Variants in SIDT1 observed in about 807,000 individuals in gnomAD.
The protein encoded by SIDT1 is SID1 transmembrane family, member 1.
Under a neutral mutation model 107.5 loss-of-function variants are expected in SIDT1, and 101 were observed. The observed-to-expected ratio is 0.94, with a 90% CI of 0.80 to 1.11. The LOEUF (loss-of-function observed/expected upper bound fraction) is 1.11. SIDT1 is among the 50% of genes least tolerant of loss of function. The pLI, the probability that SIDT1 is intolerant of heterozygous loss-of-function variation, is 0.00. For missense variants in SIDT1, 1,076 were observed against 1,058.2 expected (o/e 1.02, Z -0.23); for synonymous variants, 395 against 398.2 (o/e 0.99, Z 0.10).
intron 1 of SIDT1, among the ~76,000 whole-genome samples, chr3:113,555,036 C>A (rs144980796): frequency 6.6e-6 from 1 of 152,296 alleles, no homozygotes; most frequent in East Asian, 1.9e-4. Context: ...TCCCAACTGC[C>A]CCAACATGAC....
downstream of SIDT1, among the ~76,000 whole-genome samples, chr3:113,633,768 T>TG (rs1326471439): frequency 6.6e-6 from 1 of 152,176 alleles, no homozygotes. Flanking sequence ...TAAAATGGAT[T>TG]GGGGACGGGG....
chr3:113,567,611 G>A lies in SIDT1; in HGVS notation c.416G>A (p.Gly139Glu). ...LCPSEATNET[G>E]PLQQLIFVDV... is the part of the protein sequence containing the mutation. ...CCCTCAGAAGCAACCAATGAGACGGGACCCTTGCAGCAACTGATATTTGTA... is the reference window on the plus strand; with the variant it reads ...CCCTCAGAAGCAACCAATGAGACGGAACCCTTGCAGCAACTGATATTTGTA... Residue 139 changes from glycine (G) to glutamate (E), a missense_variant, in exon 3 of 25, where the codon GGA becomes GAA. Gly to Glu is a moderately conservative substitution (Grantham distance 98, BLOSUM62 -2). Coordinates refer to ENST00000264852, the MANE Select transcript of SIDT1 (RefSeq NM_017699.3). 6.2e-7 allele frequency: 1 copy of A among 1,614,100 alleles called. No homozygotes were observed.
At chr3:113,597,924 C>G (rs1416662948) in intron 10 of SIDT1, among the ~76,000 whole-genome samples, 2 of 152,172 alleles carry the variant, frequency 1.3e-5, no homozygotes, top group African/African-American at 4.8e-5. Context: ...GGCTTGCCTT[C>G]CCAGACCATA....
chr3:113,555,344 T>C (rs1343116121), intron 1 of SIDT1, among the ~76,000 whole-genome samples: 3 of 152,228 alleles, frequency 2.0e-5, no homozygotes, highest in African/African-American at 7.2e-5. Flanking sequence ...TGCAAACTTC[T>C]GATGTCAAAG....
At chr3:113,546,623 A>T (rs934785771) in intron 1 of SIDT1, among the ~76,000 whole-genome samples, 3 of 152,068 alleles carry the variant, frequency 2.0e-5, no homozygotes, top group African/African-American at 7.2e-5. Context: ...TAAGCATCTG[A>T]TACAATGTAT....
intron 1 of SIDT1, among the ~76,000 whole-genome samples, chr3:113,544,996 T>C (rs1939416783): frequency 6.6e-6 from 1 of 151,430 alleles, no homozygotes; most frequent in Admixed American, 6.6e-5. Flanking sequence ...GCACCTGTAA[T>C]CCCAGCTACT....
Position 113,608,119 on chromosome 3 carries a change from C to T in SIDT1, c.1504C>T (p.Leu502=). The T allele has an allele frequency of 1.2e-6, 2 of 1,611,182 alleles. No individual in the cohort carries two copies. Among genetic ancestry groups the T allele is most frequent in the Non-Finnish European group, 1.7e-6 (2 of 1,178,806 alleles). The part of the protein sequence containing the change: ...LSAFNNILSN[L]GHVLLGFLFL... ...TGCCTTCAACAACATTCTCAGCAAT[C>T]TGGGCCACGTGCTTCTGGGCTTCCT... Residue 502 remains leucine, a synonymous_variant, in exon 16 of 25, where the codon CTG becomes TTG. Coordinates refer to ENST00000264852, the MANE Select transcript of SIDT1 (RefSeq NM_017699.3).
At chr3:113,625,952 G>T in intron 23 of SIDT1, 150 bp from the exon 24 acceptor site, 1 of 653,096 alleles carries the variant, frequency 1.5e-6, no homozygotes, top group South Asian at 1.8e-5. Context: ...AGGTCTTTGT[G>T]TACAGGTTTT....
chr3:113,567,345 A>C (rs115197070), intron 2 of SIDT1, among the ~76,000 whole-genome samples, 195 bp from the exon 3 acceptor site: 136 of 152,330 alleles, frequency 8.9e-4, no homozygotes, highest in Admixed American at 2.4e-3. Context: ...CATCCCTGTT[A>C]TTATATCATA....
chr3:113,630,952 G>A (rs926543562), downstream of SIDT1, among the ~76,000 whole-genome samples: 3 of 152,140 alleles, frequency 2.0e-5, no homozygotes, highest in Admixed American at 2.0e-4. Flanking sequence ...GCCCTGAACA[G>A]GTTGGGAGGC....
intron 10 of SIDT1, among the ~76,000 whole-genome samples, chr3:113,597,267 C>T (rs910861049): frequency 2.6e-5 from 4 of 151,976 alleles, no homozygotes; most frequent in African/African-American, 7.3e-5. Flanking sequence ...GAGGCCGAGG[C>T]GGGTGGATTG....
At chr3:113,595,370 C>T (rs890318772) in intron 10 of SIDT1, among the ~76,000 whole-genome samples, 2 of 151,946 alleles carry the variant, frequency 1.3e-5, no homozygotes, top group African/African-American at 4.8e-5. Context: ...CCTAGGAGTT[C>T]GAGACCAGCC....
chr3:113,551,886 G>C (rs1940290177), intron 1 of SIDT1, among the ~76,000 whole-genome samples: 1 of 151,388 alleles, frequency 6.6e-6, no homozygotes, highest in African/African-American at 2.4e-5. Flanking sequence ...TCAATGCTGG[G>C]TTCCTTCTTT....
chr3:113,601,297 C>T (rs1944940844), intron 10 of SIDT1: 2 of 255,118 alleles, frequency 7.8e-6, no homozygotes, highest in Non-Finnish European at 1.5e-5. Context: ...TACATAAATA[C>T]TGAAATTTGA....
intron 9 of SIDT1, among the ~76,000 whole-genome samples, chr3:113,590,952 G>T (rs756746117): frequency 9.2e-5 from 14 of 152,286 alleles, no homozygotes; most frequent in South Asian, 2.1e-4. Context: ...ACCTTACCTG[G>T]CAAAAGGAAC....
chr3:113,594,723 A>G (rs7340728), intron 10 of SIDT1, among the ~76,000 whole-genome samples: 2,989 of 152,272 alleles, frequency 0.02, 59 homozygotes, highest in East Asian at 0.066. Context: ...AGTGACCAAA[A>G]AGAGTAAAGA....
intron 3 of SIDT1, among the ~76,000 whole-genome samples, chr3:113,571,843 G>A (rs868324897): frequency 2.6e-5 from 4 of 152,150 alleles, no homozygotes; most frequent in African/African-American, 4.8e-5. Flanking sequence ...GCTGAGGCAG[G>A]AGAATCACTT....
chr3:113,533,820 C>T (rs1333927798), intron 1 of SIDT1, among the ~76,000 whole-genome samples: 1 of 152,156 alleles, frequency 6.6e-6, no homozygotes, highest in Non-Finnish European at 1.5e-5. Flanking sequence ...GCCAGAAGAC[C>T]TGGGCAAAGA....
intron 9 of SIDT1, among the ~76,000 whole-genome samples, chr3:113,586,081 G>C (rs1449910375): frequency 6.6e-6 from 1 of 152,158 alleles, no homozygotes; most frequent in African/African-American, 2.4e-5. Context: ...AAGACTTCAT[G>C]GCTACCTCAG....
Sources: allele counts gnomAD v4.1 joint callset (sites outside exome capture counted in the v4.1 genomes callset), GRCh38; gene constraint gnomAD v4.1.1; transcripts MANE v1.5; gene names NCBI Gene and HGNC (gene_info 2026-07-23, HGNC 2026-07-21).